Variants in CDKL4 observed in about 807,000 individuals in gnomAD.
The protein encoded by CDKL4 is cyclin dependent kinase like 4, also known as cyclin-dependent kinase-like 4.
Under a neutral mutation model 42.0 loss-of-function variants are expected in CDKL4, and 44 were observed. The observed-to-expected ratio is 1.05, with a 90% CI of 0.82 to 1.35. CDKL4 has a LOEUF of 1.35. CDKL4 is among the 40% of genes most tolerant of loss of function. The probability of loss-of-function intolerance (pLI) is 0.00; values close to 1 mark genes in which losing one functional copy is unlikely to be tolerated. For missense variants in CDKL4, 393 were observed against 369.9 expected, an observed-to-expected ratio of 1.06 and a Z score of -0.51; for synonymous variants, 120 against 121.6, an observed-to-expected ratio of 0.99 and a Z score of 0.09.
the CDKL4 span, among the ~76,000 whole-genome samples, chr2:39,170,310 G>C: frequency 1.4e-5 from 2 of 143,502 alleles, no homozygotes; most frequent in Non-Finnish European, 3.0e-5. Flanking sequence ...GAAAAGAAAA[G>C]AAAAGAAAAG....
At chr2:39,204,281 C>T (rs1558562081) in intron 5 of CDKL4, among the ~76,000 whole-genome samples, 1 of 152,162 alleles carries the variant, frequency 6.6e-6, no homozygotes, top group Non-Finnish European at 1.5e-5. Flanking sequence ...AACAGAAATG[C>T]TTTTAGAAAT....
rs75002827 is a variant in CDKL4 at position 39,192,826 on chromosome 2, T to A, written c.455-2324A>T. ...TAATCCCTGCACAAAGCTTTTTCTG[T>A]ATTTAGAATTATTTCAAGGCCCGGC... On this transcript the variant is annotated intron_variant, in intron 5 of 9. Coordinates refer to ENST00000451199, the Ensembl canonical transcript of CDKL4. 1.2e-3 allele frequency among the ~76,000 whole-genome samples: 184 copies of A among 152,210 alleles called. 5 individuals are homozygous for A. In the East Asian group the frequency reaches 0.03, roughly 25 times the overall value.
chr2:39,209,388 T>C lies in CDKL4; in HGVS notation c.363+4012A>G, dbSNP rs193210595. On this transcript the variant is annotated intron_variant, in intron 4 of 9. Transcript: ENST00000451199. Reference sequence around the variant, plus strand: ...TGTTCTCTAATCAATACAGCAAATATATAAAAATCCCTGGGTTCATTATGG... The same window carrying C: ...TGTTCTCTAATCAATACAGCAAATACATAAAAATCCCTGGGTTCATTATGG... Among the ~76,000 whole-genome samples, 7 of 152,114 alleles carry C rather than the reference T, an allele frequency of 4.6e-5. No homozygotes were observed. In the East Asian group the frequency reaches 1.4e-3, roughly 29 times the overall value.
At chr2:39,186,044 T>C (rs1001482577) in intron 7 of CDKL4, among the ~76,000 whole-genome samples, 22 of 152,062 alleles carry the variant, frequency 1.4e-4, no homozygotes, top group African/African-American at 4.3e-4. Context: ...ACATTCAGAA[T>C]GATGAGGAAA....
intron 5 of CDKL4, among the ~76,000 whole-genome samples, chr2:39,195,902 G>A (rs1488819123): frequency 6.6e-6 from 1 of 152,126 alleles, no homozygotes; most frequent in Admixed American, 6.6e-5. Flanking sequence ...TGACTCAGAC[G>A]GACAGAGCAG....
chr2:39,243,829 G>A (rs1432547193), intron 1 of CDKL4, among the ~76,000 whole-genome samples, 42 bp downstream of exon 1: 5 of 152,354 alleles, frequency 3.3e-5, no homozygotes, highest in African/African-American at 9.6e-5. Context: ...AACCCCGCAC[G>A]CTGCCCGCAG....
chr2:39,170,867 G>C (rs554771610), downstream of CDKL4, among the ~76,000 whole-genome samples: 79 of 152,222 alleles, frequency 5.2e-4, no homozygotes, highest in African/African-American at 1.8e-3. Flanking sequence ...ACCAGGATTA[G>C]AAATCAATGG....
exon 9 of CDKL4, chr2:39,179,319 C>A: frequency 6.3e-7 from 1 of 1,593,462 alleles, no homozygotes; most frequent in Non-Finnish European, 8.5e-7. Flanking sequence ...TCTTCAGACA[C>A]CCCTTTGGAG....
At chr2:39,199,134 C>G (rs1676696063) in intron 5 of CDKL4, among the ~76,000 whole-genome samples, 1 of 151,934 alleles carries the variant, frequency 6.6e-6, no homozygotes, top group African/African-American at 2.4e-5. Context: ...AAACTAAGCT[C>G]AATTAGAAAT....
At chr2:39,187,851 T>G (rs899677208) in intron 6 of CDKL4, 142 bp from the exon 7 acceptor site, 6 of 600,578 alleles carry the variant, frequency 1.0e-5, no homozygotes, top group Non-Finnish European at 1.8e-5. Context: ...GTGGATCACT[T>G]GACGTCAAGA....
chr2:39,218,724 G>C (rs1347094287), intron 3 of CDKL4, among the ~76,000 whole-genome samples: 1 of 152,166 alleles, frequency 6.6e-6, no homozygotes, highest in Admixed American at 6.5e-5. Flanking sequence ...TCCTGCCCTT[G>C]GATGTGGAAG....
chr2:39,216,927 A>G (rs1173491095), intron 3 of CDKL4, among the ~76,000 whole-genome samples: 1 of 152,220 alleles, frequency 6.6e-6, no homozygotes, highest in East Asian at 1.9e-4. Flanking sequence ...GAAGTGTCAT[A>G]TTCAGTTCAG....
chr2:39,209,433 G>T (rs1267698187), intron 4 of CDKL4, among the ~76,000 whole-genome samples: 1 of 152,122 alleles, frequency 6.6e-6, no homozygotes, highest in Non-Finnish European at 1.5e-5. Context: ...GACCACTTTG[G>T]TTACCTCACT....
intron 8 of CDKL4, among the ~76,000 whole-genome samples, chr2:39,183,289 T>A (rs1053213969): frequency 2.6e-5 from 4 of 151,874 alleles, no homozygotes; most frequent in African/African-American, 9.7e-5. Flanking sequence ...AATGTCTCAA[T>A]TGCAAAGAAT....
downstream of CDKL4, among the ~76,000 whole-genome samples, chr2:39,172,626 G>C (rs929214348): frequency 3.9e-5 from 6 of 152,126 alleles, no homozygotes; most frequent in African/African-American, 1.2e-4. Context: ...CTGTTGCCTA[G>C]GCTGGAGTGC....
chr2:39,202,100 C>T (rs1330564935), intron 5 of CDKL4, among the ~76,000 whole-genome samples: 26 of 152,014 alleles, frequency 1.7e-4, no homozygotes, highest in South Asian at 1.2e-3. Flanking sequence ...GGTGTGGTGG[C>T]GGGTTCCTGA....
intron 4 of CDKL4, among the ~76,000 whole-genome samples, chr2:39,208,595 G>T (rs982521878): frequency 9.2e-5 from 14 of 151,926 alleles, no homozygotes; most frequent in African/African-American, 3.4e-4. Context: ...CACCAGCCTC[G>T]GCCTCCCAAA....
chr2:39,199,132 C>G (rs935434518), intron 5 of CDKL4, among the ~76,000 whole-genome samples: 8 of 151,916 alleles, frequency 5.3e-5, no homozygotes, highest in Middle Eastern at 3.2e-3. Context: ...TCAAACTAAG[C>G]TCAATTAGAA....
chr2:39,240,677 TAAAAAAAA>T (rs768356807), intron 1 of CDKL4, among the ~76,000 whole-genome samples: 2 of 87,940 alleles, frequency 2.3e-5, no homozygotes, highest in African/African-American at 4.4e-5. Context: ...AGATGAACAT[TAAAAAAAA>T]AAAAAAAAAA....
Sources: gnomAD v4.1 joint callset for allele counts (sites outside exome capture counted in the v4.1 genomes callset) on GRCh38, gnomAD v4.1.1 for gene constraint, MANE v1.5 for transcripts, NCBI Gene and HGNC (gene_info 2026-07-23, HGNC 2026-07-21) for gene names.